ACOT7: variants seen among roughly 807,000 people sequenced by gnomAD.
ACOT7 encodes cytosolic acyl coenzyme A thioester hydrolase.
A neutral mutation model predicts 40.2 loss-of-function variants in ACOT7; 12 were observed. That is an observed-to-expected ratio of 0.30 (90% confidence interval 0.19 to 0.48). The LOEUF (loss-of-function observed/expected upper bound fraction) is 0.48, where lower values mean the gene tolerates loss of function less well. ACOT7 is among the 20% of genes least tolerant of loss of function. The pLI is 0.99. For missense variants in ACOT7, 395 were observed against 530.8 expected (o/e 0.74, Z 2.51); for synonymous variants, 228 against 219.5 (o/e 1.04, Z -0.34).
At position 6,355,134 on chromosome 1, in the gene ACOT7, A is replaced by T. The variant is rs1641707669; in HGVS notation, c.144-5268T>A. Among the ~76,000 whole-genome samples, 1 of 151,914 alleles carries T rather than the reference A, an allele frequency of 6.6e-6. No homozygotes were observed. Among genetic ancestry groups the T allele is most frequent in the South Asian group, 2.1e-4 (1 of 4,798 alleles). On this transcript the variant is annotated intron_variant, in intron 1 of 8. Coordinates refer to ENST00000361521, the MANE Select transcript of ACOT7 (RefSeq NM_007274.4). The surrounding 1 kb of genome is among the most constrained non-coding windows in gnomAD (Gnocchi z 5.0). ...CACGCCTGGCCCTTCCCACCGTTCT[A>T]CCTGTCCCAGCAACGCCTGACCCAC...
intron 6 of ACOT7, 78 bp from the exon 7 acceptor site, chr1:6,295,058 C>A: frequency 8.6e-7 from 1 of 1,163,100 alleles, no homozygotes; most frequent in Non-Finnish European, 1.3e-6. Flanking sequence ...CAAGTTACAA[C>A]TCGAGCCCTC....
chr1:6,342,248 T>C (rs1195330038), intron 2 of ACOT7, among the ~76,000 whole-genome samples: 2 of 152,118 alleles, frequency 1.3e-5, no homozygotes, highest in Non-Finnish European at 2.9e-5. Context: ...ATGAGCTCCC[T>C]CGGGACCCTT....
rs1640172239 is a variant in ACOT7, at chr1:6,306,909, A to G, written c.712+11583T>C. The G allele has an allele frequency of 2.3e-6, 3 of 1,288,986 alleles. No individual in the cohort carries two copies. The highest frequency in any genetic ancestry group is 3.0e-6 in the Non-Finnish European group (3 of 988,656). 79.8% of individuals were successfully genotyped at this position (1,288,986 alleles called of 1,614,324 possible). A position where few individuals can be genotyped will look rare whatever the true frequency, so the allele number is the denominator to read the frequency against. On this transcript the variant is annotated intron_variant, in intron 6 of 8. Transcript: ENST00000361521. This position sits in a 1 kb window ranked among gnomAD's most constrained non-coding sequence, Gnocchi z 4.3. ...TGCAGGTGCAAAAGATTGTTTTTTCACAACTGCCCCAAGAAGACCAAGTGA... is the reference window on the plus strand; with the variant it reads ...TGCAGGTGCAAAAGATTGTTTTTTCGCAACTGCCCCAAGAAGACCAAGTGA...
intron 6 of ACOT7, among the ~76,000 whole-genome samples, chr1:6,303,034 A>ACCCCGCTT (rs1640014612): frequency 6.6e-6 from 1 of 152,094 alleles, no homozygotes; most frequent in Non-Finnish European, 1.5e-5. Context: ...AGAGGGAGCC[A>ACCCCGCTT]CCCCGCTTCT....
Position 6,385,900 on chromosome 1 carries a change from A to T in ACOT7, c.143+7357T>A, listed in dbSNP as rs569845928. On this transcript the variant is annotated intron_variant, in intron 1 of 8. Transcript: ENST00000361521. ...GTTCTCTACAAAAGACCAGTGATGC[A>T]AGGAATCCATGACTCGGCCTGAACT... 1.2e-5 allele frequency: 15 copies of T among 1,248,200 alleles called. No individual in the cohort carries two copies. The African/African-American group carries it at 1.8e-4, about 15-fold the overall frequency. 77.3% of individuals were successfully genotyped at this position (1,248,200 alleles called of 1,614,324 possible). A position where few individuals can be genotyped will look rare whatever the true frequency, so the allele number is the denominator to read the frequency against.
intron 1 of ACOT7, among the ~76,000 whole-genome samples, chr1:6,354,058 T>G (rs1641670191): frequency 6.6e-6 from 1 of 152,178 alleles, no homozygotes; most frequent in South Asian, 2.1e-4. Flanking sequence ...CTGTCCCAGA[T>G]CAGAACCATG....
intron 5 of ACOT7, among the ~76,000 whole-genome samples, chr1:6,320,019 A>G (rs893711754): frequency 2.6e-5 from 4 of 152,230 alleles, no homozygotes; most frequent in Non-Finnish European, 4.4e-5. Flanking sequence ...TGGGGGAAGC[A>G]AGAGAGGATA....
intron 1 of ACOT7, among the ~76,000 whole-genome samples, chr1:6,362,886 C>T (rs1342955390): frequency 6.6e-6 from 1 of 151,820 alleles, no homozygotes; most frequent in Non-Finnish European, 1.5e-5. Context: ...CCCATCTCTA[C>T]CAAAAATCCA....
intron 5 of ACOT7, among the ~76,000 whole-genome samples, chr1:6,326,549 G>C (rs1307222292): frequency 6.6e-6 from 1 of 152,236 alleles, no homozygotes; most frequent in Admixed American, 6.5e-5. Flanking sequence ...ATCAATGTCT[G>C]AACAGTGGGG....
chr1:6,382,739 T>C (rs1571356372), intron 1 of ACOT7, among the ~76,000 whole-genome samples: 1 of 151,492 alleles, frequency 6.6e-6, no homozygotes, highest in Admixed American at 6.6e-5. Context: ...TCACTTGAGG[T>C]AGAGGCTCAG....
chr1:6,318,302 C>T (rs962796938), intron 6 of ACOT7, among the ~76,000 whole-genome samples, 190 bp downstream of exon 6: 1 of 152,190 alleles, frequency 6.6e-6, no homozygotes. Flanking sequence ...GCAATCCTCC[C>T]GCCTCCATCT....
In ACOT7 at chr1:6,348,193, C is replaced by T. The variant is rs546893315; in HGVS notation, c.261+1556G>A. 3.3e-5 allele frequency among the ~76,000 whole-genome samples: 5 copies of T among 152,262 alleles called. No homozygotes were observed. In the East Asian group the frequency reaches 7.7e-4, roughly 24 times the overall value. ...ATCAATCTACCCCCAGCCCAGCCAG[C>T]GAGCCCCTCCTAAACCAGGCACTGC... On this transcript the variant is annotated intron_variant, in intron 2 of 8. Coordinates refer to ENST00000361521, the MANE Select transcript of ACOT7 (RefSeq NM_007274.4).
chr1:6,361,726 G>A (rs1189804570), intron 1 of ACOT7, among the ~76,000 whole-genome samples: 1 of 152,190 alleles, frequency 6.6e-6, no homozygotes, highest in African/African-American at 2.4e-5. Context: ...GAACCCAGGA[G>A]GCGGAGGTTG....
Position 6,294,165 on chromosome 1 carries a change from G to A in ACOT7, c.829+699C>T, listed in dbSNP as rs1212624667. The stretch of plus-strand genomic sequence containing the variant: ...TCTGTGAGGCAGTGCTGCTGCAGGG[G>A]GTGCACGGCCTCATCTCAGCAGACG... On this transcript the variant is annotated intron_variant, in intron 7 of 8. Transcript: ENST00000361521. This position sits in a 1 kb window ranked among gnomAD's most constrained non-coding sequence, Gnocchi z 4.6. Among the ~76,000 whole-genome samples the A allele has an allele frequency of 3.3e-5, 5 of 152,218 alleles. No individual in the cohort carries two copies. Among genetic ancestry groups the A allele is most frequent in the African/African-American group, 1.2e-4 (5 of 41,462 alleles).
rs3838286 is a variant in ACOT7, at chr1:6,299,665, A to AGTGTGTGTGTGT, written c.713-4697_713-4686dup. On this transcript the variant is annotated intron_variant, in intron 6 of 8. Transcript: ENST00000361521. This position sits in a 1 kb window ranked among gnomAD's most constrained non-coding sequence, Gnocchi z 4.1. ...CAGAGAGAGAGAGAGAGAGAGCGCA[A>AGTGTGTGTGTGT]GTGTGTGTGTGTGTGTGTGTGTGTG... is the stretch of plus-strand genomic sequence containing the variant. Among the ~76,000 whole-genome samples, 17 of 148,546 alleles carry AGTGTGTGTGTGT rather than the reference A, an allele frequency of 1.1e-4. No individual in the cohort carries two copies. Among genetic ancestry groups the AGTGTGTGTGTGT allele is most frequent in the African/African-American group, 3.5e-4 (14 of 40,344 alleles).
chr1:6,288,211 C>T lies in ACOT7; in HGVS notation c.829+6653G>A, dbSNP rs900999256. On this transcript the variant is annotated intron_variant, in intron 7 of 8. Coordinates refer to ENST00000361521, the MANE Select transcript of ACOT7 (RefSeq NM_007274.4). The surrounding 1 kb of genome is among the most constrained non-coding windows in gnomAD (Gnocchi z 4.3). The stretch of plus-strand genomic sequence containing the variant: ...TTCCCCTGTGCTGGTCCCCTGGGTG[C>T]GGGCTCCAGCCTGTCGTGGCCCTCG... 3.3e-5 allele frequency among the ~76,000 whole-genome samples: 5 copies of T among 152,236 alleles called. No homozygotes were observed. In the East Asian group the frequency reaches 9.6e-4, roughly 29 times the overall value.
intron 8 of ACOT7, among the ~76,000 whole-genome samples, chr1:6,277,598 A>G (rs1381030912): frequency 2.0e-5 from 3 of 152,254 alleles, no homozygotes; most frequent in Non-Finnish European, 4.4e-5. Flanking sequence ...CGTTACAGAC[A>G]GTGGCTCTGC....
intron 1 of ACOT7, among the ~76,000 whole-genome samples, chr1:6,376,500 G>T (rs1046109779): frequency 1.3e-5 from 2 of 151,514 alleles, no homozygotes; most frequent in African/African-American, 4.9e-5. Flanking sequence ...AGGCTGAGGC[G>T]GGTGGATCAC....
intron 2 of ACOT7, among the ~76,000 whole-genome samples, chr1:6,345,979 C>T (rs1204247848): frequency 6.6e-6 from 1 of 152,190 alleles, no homozygotes; most frequent in Admixed American, 6.5e-5. Context: ...TCTGGAGAAA[C>T]CAAGGGCAGA....
Sources: gnomAD v4.1 joint callset for allele counts (sites outside exome capture counted in the v4.1 genomes callset) on GRCh38, gnomAD v4.1.1 for gene constraint, Gnocchi (gnomAD v3.1) non-coding constraint, MANE v1.5 for transcripts, NCBI Gene and HGNC (gene_info 2026-07-23, HGNC 2026-07-21) for gene names.